Variants in SYMPK observed in about 807,000 individuals in gnomAD.
The protein encoded by SYMPK is symplekin scaffold protein.
A neutral mutation model predicts 136.4 loss-of-function variants in SYMPK; 49 were observed. That is an observed-to-expected ratio of 0.36 (90% CI 0.29 to 0.46). SYMPK has a LOEUF of 0.46. Among genes scored for constraint, SYMPK ranks in the 20% least tolerant of loss-of-function variants. The pLI is 1.00. For synonymous variants in SYMPK, 766 were observed against 713.0 expected, an observed-to-expected ratio of 1.07 and a Z score of -1.19; for missense variants, 1,365 against 1,690.0, an observed-to-expected ratio of 0.81 and a Z score of 3.37.
intron 7 of SYMPK, among the ~76,000 whole-genome samples, chr19:45,847,143 G>A (rs1011597714): frequency 6.6e-6 from 1 of 152,014 alleles, no homozygotes. Flanking sequence ...AAACTGCCCG[G>A]CGCGGTGGCT....
intron 20 of SYMPK, 103 bp from the exon 21 acceptor site, chr19:45,822,949 G>T: frequency 2.2e-6 from 2 of 923,710 alleles, no homozygotes; most frequent in Non-Finnish European, 1.7e-6. Context: ...CTGAGGGCAA[G>T]CTCTGGCTCA....
At chr19:45,843,926 G>C (rs1020078986) in intron 8 of SYMPK, 104 bp downstream of exon 8, 6 of 1,064,486 alleles carry the variant, frequency 5.6e-6, no homozygotes, top group Admixed American at 6.0e-5. Flanking sequence ...CCTGGTGACA[G>C]AGCGAGACTC....
intron 11 of SYMPK, among the ~76,000 whole-genome samples, chr19:45,834,019 G>C (rs2099763888): frequency 6.6e-6 from 1 of 152,146 alleles, no homozygotes; most frequent in Non-Finnish European, 1.5e-5. Flanking sequence ...CGGGTGCACT[G>C]GCTCACACCT....
At chr19:45,842,536 C>T (rs1971466941) in intron 8 of SYMPK, 47 bp from the exon 9 acceptor site, 4 of 1,592,620 alleles carry the variant, frequency 2.5e-6, no homozygotes, top group Non-Finnish European at 3.4e-6. Context: ...GATCTCATGG[C>T]ATGCTGCCAG....
rs777693225 is a variant in SYMPK, at chr19:45,816,190, A to C, written c.3355-7T>G. The stretch of plus-strand genomic sequence containing the variant: ...TCAGGGGCTCCAGATCATCCTGGGG[A>C]TAGGGAGGGCCACACAGAAGCTCAG... On this transcript the variant is annotated splice_polypyrimidine_tract_variant and splice_region_variant and intron_variant, in intron 25 of 26. Coordinates refer to ENST00000245934, the MANE Select transcript of SYMPK (RefSeq NM_004819.3). The C allele has an allele frequency of 3.4e-5, 52 of 1,512,326 alleles. No individual in the cohort carries two copies. Among genetic ancestry groups the C allele is most frequent in the Admixed American group, 8.4e-5 (4 of 47,584 alleles). 93.7% of individuals were successfully genotyped at this position (1,512,326 alleles called of 1,614,324 possible).
At position 45,821,799 on chromosome 19, in the gene SYMPK, G is replaced by A. The variant is rs578070431; in HGVS notation, c.2792-314C>T. ...GGGCAGGGTAGGACCACCTCCTCGT[G>A]TGGTCCCCAACACAGACTCCACCGC... On this transcript the variant is annotated intron_variant, in intron 21 of 26. Transcript: ENST00000245934. This position sits in a 1 kb window ranked among gnomAD's most constrained non-coding sequence, Gnocchi z 4.4. Among the ~76,000 whole-genome samples the A allele has an allele frequency of 1.3e-5, 2 of 152,298 alleles. No homozygotes were observed. Among genetic ancestry groups the A allele is most frequent in the African/African-American group, 2.4e-5 (1 of 41,568 alleles).
intron 8 of SYMPK, chr19:45,842,710 C>T (rs1971471983): frequency 1.7e-6 from 1 of 576,520 alleles, no homozygotes; most frequent in Admixed American, 3.4e-5. Flanking sequence ...AAAACTCACC[C>T]TCTCTTTTAG....
chr19:45,820,443 AG>A (rs1970861647), intron 22 of SYMPK: 1 of 152,260 alleles, frequency 6.6e-6, no homozygotes, highest in African/African-American at 2.4e-5. Context: ...TTGCAGAGGA[AG>A]GTTAGGAAGT....
intron 23 of SYMPK, 74 bp downstream of exon 23, chr19:45,817,885 G>A (rs1970792218): frequency 7.0e-6 from 10 of 1,435,824 alleles, no homozygotes; most frequent in South Asian, 4.2e-5. Flanking sequence ...GGGGTCAGAC[G>A]GGGGAAGGGG....
chr19:45,830,565 C>T (rs918859157), intron 12 of SYMPK: 6 of 203,164 alleles, frequency 3.0e-5, no homozygotes, highest in Non-Finnish European at 5.2e-5. Flanking sequence ...GAAGAGAGCT[C>T]GGAGGGTAGC....
chr19:45,860,747 G>A (rs1971947422), intron 1 of SYMPK, among the ~76,000 whole-genome samples: 2 of 152,128 alleles, frequency 1.3e-5, no homozygotes, highest in South Asian at 4.1e-4. Context: ...GGGCTCAGGC[G>A]ATCCTCCTAC....
chr19:45,822,816 T>C lies in SYMPK; in HGVS notation c.2731A>G (p.Ile911Val). ...KEVIQALPKLIKLNPIVVKEV... is the reference protein window; with the variant it reads ...KEVIQALPKLVKLNPIVVKEV... ...TTCACCACGATGGGGTTGAGTTTGA[T>C]GAGTTTAGGCAGGGCCTGGATCACC... The change falls in exon 21 of 27, where the codon ATC (isoleucine) becomes GTC (valine). Residue 911 changes from isoleucine to valine, a missense_variant. Physicochemically the swap from Ile to Val is conservative, Grantham distance 29. Around this residue, in one of 11 missense-constraint regions of SYMPK, gnomAD observed 156 missense variants for 217.8 expected, o/e 0.72. Transcript: ENST00000245934. The C allele has an allele frequency of 6.2e-7, 1 of 1,613,342 alleles. No individual in the cohort carries two copies. The highest frequency in any genetic ancestry group is 1.1e-5 in the South Asian group (1 of 91,060).
rs747629960 is a variant in SYMPK at position 45,816,503 on chromosome 19, C to T, written c.3333G>A (p.Ala1111=). 4.3e-6 allele frequency: 7 copies of T among 1,613,108 alleles called. 1 individual carries two copies. Among genetic ancestry groups the T allele is most frequent in the South Asian group, 3.3e-5 (3 of 91,050 alleles). The change falls in exon 25 of 27, where the codon GCG becomes GCA. Residue 1111 remains alanine (A), a synonymous_variant. Coordinates refer to ENST00000245934, the MANE Select transcript of SYMPK (RefSeq NM_004819.3). ...SGKQEPEAKE[A]PAGPLEEDDL... is the part of the protein sequence containing the mutation. ...TCACCTCCTCCAAGGGCCCCGCAGG[C>T]GCCTCCTTGGCCTCTGGCTCCTGCT... is the stretch of plus-strand genomic sequence containing the variant.
At chr19:45,843,338 A>T (rs984146824) in intron 8 of SYMPK, among the ~76,000 whole-genome samples, 2 of 152,188 alleles carry the variant, frequency 1.3e-5, no homozygotes, top group Admixed American at 6.6e-5. Flanking sequence ...GTACGCATTC[A>T]TACCCCAACC....
In SYMPK at chr19:45,821,370, G is replaced by T; in HGVS notation, c.2893+14C>A. ...CAGGGGCCAGGCCACTGGAGTGGGG[G>T]GGAAGCGCCTCACCTTTGATGATGG... is the stretch of plus-strand genomic sequence containing the variant. On this transcript the variant is annotated intron_variant, in intron 22 of 26. Transcript: ENST00000245934. This position sits in a 1 kb window ranked among gnomAD's most constrained non-coding sequence, Gnocchi z 4.4. 6.2e-7 allele frequency: 1 copy of T among 1,608,258 alleles called. No individual in the cohort carries two copies. The highest frequency in any genetic ancestry group is 2.2e-5 in the East Asian group (1 of 44,830).
At chr19:45,826,004 C>T (rs1306887142) in intron 17 of SYMPK, among the ~76,000 whole-genome samples, 1 of 152,166 alleles carries the variant, frequency 6.6e-6, no homozygotes, top group African/African-American at 2.4e-5. Flanking sequence ...TCAGGCCCCA[C>T]CGATGGCTGG....
intron 12 of SYMPK, 139 bp downstream of exon 12, chr19:45,831,245 G>C: frequency 1.8e-6 from 1 of 541,834 alleles, no homozygotes; most frequent in Non-Finnish European, 3.0e-6. Flanking sequence ...GAGTCAGAGA[G>C]AACCTATTCC....
At chr19:45,825,092 G>C (rs1422899686) in intron 18 of SYMPK, 79 bp downstream of exon 18, 18 of 1,535,062 alleles carry the variant, frequency 1.2e-5, no homozygotes, top group Non-Finnish European at 1.6e-5. Flanking sequence ...CTGAGGTGGA[G>C]CAGGTTGGGG....
rs777203548 is a variant in SYMPK, at chr19:45,829,202, G to A, written c.1753C>T (p.Arg585Cys). ...AVACSGAAQV[R>C]IKILASLVTQ... is the part of the protein sequence containing the mutation. Reference sequence around the variant, plus strand: ...ACCAGGCTGGCCAGGATCTTTATGCGGACCTGGTGGGAGGGTGAGCCAGCA... The same window carrying A: ...ACCAGGCTGGCCAGGATCTTTATGCAGACCTGGTGGGAGGGTGAGCCAGCA... The change falls in exon 14 of 27, where the codon CGC becomes TGC. Residue 585 changes from arginine (R) to cysteine (C), a missense_variant. Coordinates refer to ENST00000245934, the MANE Select transcript of SYMPK (RefSeq NM_004819.3). 18 of 1,611,892 alleles carry A rather than the reference G, an allele frequency of 1.1e-5. No individual in the cohort carries two copies. The highest frequency in any genetic ancestry group is 3.3e-5 in the Admixed American group (2 of 60,002).
Sources: gnomAD v4.1 joint callset for allele counts (sites outside exome capture counted in the v4.1 genomes callset) on GRCh38, gnomAD v4.1.1 for gene constraint, gnomAD v4.1.1 regional missense constraint, Gnocchi (gnomAD v3.1) non-coding constraint, MANE v1.5 for transcripts, NCBI Gene and HGNC (gene_info 2026-07-23, HGNC 2026-07-21) for gene names.